The following ESCO1 variants were observed in gnomAD, a reference collection of about 807,000 sequenced individuals.
ESCO1 encodes establishment of sister chromatid cohesion N-acetyltransferase 1.
Under a neutral mutation model 83.5 loss-of-function variants are expected in ESCO1, and 33 were observed. The ratio of observed to expected loss-of-function variants is 0.40; its 90% confidence interval spans 0.30 to 0.53. The LOEUF (loss-of-function observed/expected upper bound fraction) is 0.53. Among genes scored for constraint, ESCO1 ranks in the 20% least tolerant of loss-of-function variants. The probability of loss-of-function intolerance (pLI) is 0.63; values close to 1 mark genes in which losing one functional copy is unlikely to be tolerated. For missense variants in ESCO1, 855 were observed against 968.0 expected (o/e 0.88, Z 1.55); for synonymous variants, 332 against 324.3 (o/e 1.02, Z -0.25).
chr18:21,553,319 T>A (rs991709784), intron 8 of ESCO1, among the ~76,000 whole-genome samples: 10 of 151,842 alleles, frequency 6.6e-5, no homozygotes, highest in African/African-American at 2.4e-4. Flanking sequence ...ATTAAAAGTA[T>A]TTTTTGGACT....
At chr18:21,595,399 G>A (rs996203992) in intron 1 of ESCO1, among the ~76,000 whole-genome samples, 2 of 150,078 alleles carry the variant, frequency 1.3e-5, no homozygotes, top group Non-Finnish European at 3.0e-5. Flanking sequence ...GGCCGGCGCT[G>A]TGGTTCACGC....
intron 2 of ESCO1, among the ~76,000 whole-genome samples, 172 bp from the exon 3 acceptor site, chr18:21,575,949 C>G (rs2038413807): frequency 6.6e-6 from 1 of 152,040 alleles, no homozygotes; most frequent in Non-Finnish European, 1.5e-5. Flanking sequence ...CTAATTTGCA[C>G]TCAACTATAT....
Position 21,529,423 on chromosome 18 carries a change from G to A in ESCO1, c.*920C>T, listed in dbSNP as rs2037738692. The A allele has an allele frequency of 6.6e-6, 1 of 152,308 alleles. No individual in the cohort carries two copies. 9.4% of individuals were successfully genotyped at this position (152,308 alleles called of 1,614,324 possible). A position where few individuals can be genotyped will look rare whatever the true frequency, so the allele number is the denominator to read the frequency against. On this transcript the variant is annotated 3_prime_UTR_variant, in exon 12 of 12. Coordinates refer to ENST00000269214, the MANE Select transcript of ESCO1 (RefSeq NM_052911.3). ...AAAGTAGAGGGCACTATGAAGGATA[G>A]ACAAGTATCAAAATGAAGTCCAGTA...
chr18:21,575,104 AATTTTGATT>A lies in ESCO1; in HGVS notation c.-270_-262del. Reference sequence around the variant, plus strand: ...GACAAGGTAATAAAAATTTGAGGAAAATTTTGATTATTTTTAATAAGTTTTTTTATCAAA... The same window carrying A: ...GACAAGGTAATAAAAATTTGAGGAAAATTTTTAATAAGTTTTTTTATCAAA... On this transcript the variant is annotated 5_prime_UTR_variant, in exon 4 of 12. Coordinates refer to ENST00000269214, the MANE Select transcript of ESCO1 (RefSeq NM_052911.3). The A allele has an allele frequency of 2.7e-6, 1 of 370,290 alleles. No homozygotes were observed. The highest frequency in any genetic ancestry group is 4.0e-5 in the East Asian group (1 of 25,286). 22.9% of individuals were successfully genotyped at this position (370,290 alleles called of 1,614,324 possible).
At chr18:21,563,630 G>A (rs897334197) in intron 7 of ESCO1, among the ~76,000 whole-genome samples, 1 of 152,230 alleles carries the variant, frequency 6.6e-6, no homozygotes, top group Non-Finnish European at 1.5e-5. Context: ...TTATAGGCAT[G>A]AGCCACTGCA....
chr18:21,571,673 C>T (rs1395600726), intron 4 of ESCO1, among the ~76,000 whole-genome samples: 1 of 152,154 alleles, frequency 6.6e-6, no homozygotes, highest in Non-Finnish European at 1.5e-5. Context: ...CCATAAACTG[C>T]CTTCTGAGTT....
rs745546882 is a variant in ESCO1, at chr18:21,568,105, A to G, written c.1531-11T>C. The G allele has an allele frequency of 8.8e-6, 14 of 1,584,038 alleles. No individual in the cohort carries two copies. Among genetic ancestry groups the G allele is most frequent in the Admixed American group, 3.6e-5 (2 of 56,302 alleles). On this transcript the variant is annotated splice_polypyrimidine_tract_variant and intron_variant, in intron 4 of 11. Coordinates refer to ENST00000269214, the MANE Select transcript of ESCO1 (RefSeq NM_052911.3). ...ACATTGGCTGAAATTCTGAACACAT[A>G]TAATTCAAAATTTTTACATCAACTT...
chr18:21,540,821 G>C (rs2037896769), intron 8 of ESCO1: 1 of 814,476 alleles, frequency 1.2e-6, no homozygotes, highest in East Asian at 9.9e-5. Flanking sequence ...AGCTTAACTA[G>C]TTGTTCCAGT....
chr18:21,591,292 GGCCC>G (rs2038664325), intron 1 of ESCO1, among the ~76,000 whole-genome samples: 1 of 152,170 alleles, frequency 6.6e-6, no homozygotes, highest in African/African-American at 2.4e-5. Flanking sequence ...TGTGGTCATA[GGCCC>G]AGGAATGCCA....
Position 21,564,255 on chromosome 18 carries a change from T to G in ESCO1, c.1769A>C (p.Lys590Thr). 6.2e-7 allele frequency: 1 copy of G among 1,612,250 alleles called. No individual in the cohort carries two copies. Among genetic ancestry groups the G allele is most frequent in the Non-Finnish European group, 8.5e-7 (1 of 1,179,144 alleles). Residue 590 changes from lysine (K) to threonine (T), a missense_variant, in exon 7 of 12, where the codon AAG becomes ACG. Transcript: ENST00000269214. ...CTCTGCTTCTTTTAGTTTCAAGTCC[T>G]TTGGAATTGTTATCTCCAAATGGGA... is the stretch of plus-strand genomic sequence containing the variant. The part of the protein sequence containing the change: ...CNSHLEITIP[K>T]DLKLKEAEKT...
rs1364549941 is a variant in ESCO1, at chr18:21,560,724, T to C, written c.1953+135A>G. 3 of 1,016,782 alleles carry C rather than the reference T, an allele frequency of 3.0e-6. No individual in the cohort carries two copies. In the African/African-American group the frequency reaches 5.0e-5, roughly 17 times the overall value. 63.0% of individuals were successfully genotyped at this position (1,016,782 alleles called of 1,614,324 possible). A position where few individuals can be genotyped will look rare whatever the true frequency, so the allele number is the denominator to read the frequency against. On this transcript the variant is annotated intron_variant, in intron 8 of 11. Coordinates refer to ENST00000269214, the MANE Select transcript of ESCO1 (RefSeq NM_052911.3). Reference sequence around the variant, plus strand: ...GTTTTTAAAAAGCCAGTATACATACTACACGTGCTTTGTACATATTATTAT... The same window carrying C: ...GTTTTTAAAAAGCCAGTATACATACCACACGTGCTTTGTACATATTATTAT...
At chr18:21,532,887 G>T (rs1399899954) in intron 10 of ESCO1, among the ~76,000 whole-genome samples, 1 of 151,934 alleles carries the variant, frequency 6.6e-6, no homozygotes, top group East Asian at 1.9e-4. Flanking sequence ...CTAACCTTTG[G>T]GTTCCTCACT....
chr18:21,547,847 T>C, intron 8 of ESCO1, among the ~76,000 whole-genome samples: 1 of 152,180 alleles, frequency 6.6e-6, no homozygotes, highest in East Asian at 1.9e-4. Context: ...CTCACACCTG[T>C]AATCCCAGCA....
rs1258024921 is a variant in ESCO1, at chr18:21,575,404, T to C, written c.-561A>G. On this transcript the variant is annotated 5_prime_UTR_variant, in exon 4 of 12. It adds an upstream start codon to the 5' untranslated region. Coordinates refer to ENST00000269214, the MANE Select transcript of ESCO1 (RefSeq NM_052911.3). The stretch of plus-strand genomic sequence containing the variant: ...TTTGTTCAACAAAATATTCTATTAA[T>C]ATAGATTTCCTTTTGTGCTGCCGTT... 1.3e-5 allele frequency: 5 copies of C among 398,108 alleles called. No homozygotes were observed. Among genetic ancestry groups the C allele is most frequent in the African/African-American group, 2.1e-5 (1 of 48,618 alleles). The allele number at this position is 398,108 out of a possible 1,614,324, so 24.7% of individuals were successfully genotyped here.
chr18:21,599,607 T>C (rs538199652), intron 1 of ESCO1, among the ~76,000 whole-genome samples: 2 of 152,342 alleles, frequency 1.3e-5, no homozygotes, highest in African/African-American at 4.8e-5. Context: ...CTAGATACTG[T>C]GTGCTGCGAT....
At chr18:21,540,529 T>C (rs944252108) in intron 8 of ESCO1, 1 of 1,263,104 alleles carries the variant, frequency 7.9e-7, no homozygotes. Flanking sequence ...TGCTTATTGA[T>C]CACAACTACC....
At chr18:21,536,847 C>T (rs1031988437) in intron 9 of ESCO1, among the ~76,000 whole-genome samples, 13 of 152,090 alleles carry the variant, frequency 8.5e-5, no homozygotes, top group African/African-American at 2.4e-5. Flanking sequence ...CACTCTTCTT[C>T]CCAACCCTTA....
chr18:21,541,592 C>CAAAAAAAAAAAA (rs58040604), intron 8 of ESCO1, among the ~76,000 whole-genome samples: 1 of 86,818 alleles, frequency 1.2e-5, no homozygotes, highest in Non-Finnish European at 2.5e-5. Context: ...GACACTGTCC[C>CAAAAAAAAAAAA]AAAAAAAAAA....
chr18:21,533,232 AAAAAAAT>A (rs776071373), intron 10 of ESCO1, among the ~76,000 whole-genome samples: 1 of 152,128 alleles, frequency 6.6e-6, no homozygotes, highest in Non-Finnish European at 1.5e-5. Flanking sequence ...GCTTTATGGG[AAAAAAAT>A]AAAAAATAAA....
Sources: gnomAD v4.1 joint callset for allele counts (sites outside exome capture counted in the v4.1 genomes callset) on GRCh38, gnomAD v4.1.1 for gene constraint, MANE v1.5 for transcripts, NCBI Gene and HGNC (gene_info 2026-07-23, HGNC 2026-07-21) for gene names.